The following SCAF11 variants were observed in gnomAD, a reference collection of about 807,000 sequenced individuals.
SCAF11 encodes the protein protein SCAF11.
Under a neutral mutation model 140.5 loss-of-function variants are expected in SCAF11, and 47 were observed. That is an observed-to-expected ratio of 0.33 (90% confidence interval 0.26 to 0.43). The LOEUF (loss-of-function observed/expected upper bound fraction) is 0.43, where lower values mean the gene tolerates loss of function less well. SCAF11 is among the 20% of genes least tolerant of loss of function. The pLI is 1.00. For synonymous variants in SCAF11, 557 were observed against 579.4 expected, an observed-to-expected ratio of 0.96 and a Z score of 0.55; for missense variants, 1,645 against 1,705.1, an observed-to-expected ratio of 0.96 and a Z score of 0.62.
intron 1 of SCAF11, among the ~76,000 whole-genome samples, chr12:45,977,317 G>A (rs1946257206): frequency 6.6e-6 from 1 of 152,104 alleles, no homozygotes; most frequent in Non-Finnish European, 1.5e-5. Context: ...GCATCTTAAA[G>A]GCATTCTATT....
rs749404676 is a variant in SCAF11 at position 45,926,505 on chromosome 12, C to A, written c.3196G>T (p.Gly1066Cys). The change falls in exon 11 of 15, where the codon GGT becomes TGT. Residue 1066 changes from glycine (G) to cysteine (C), a missense_variant. By Grantham distance (159) the Gly-to-Cys change is radical. Transcript: ENST00000369367. Reference sequence around the variant, plus strand: ...CCTCTACCACGGTTAGATACCCAACCAGAACCAAAGTTTTTATTCCAAGAA... The same window carrying A: ...CCTCTACCACGGTTAGATACCCAACAAGAACCAAAGTTTTTATTCCAAGAA... Reference protein sequence around the residue: ...GNSWNKNFGSGWVSNRGRGRG... With the variant: ...GNSWNKNFGSCWVSNRGRGRG... The A allele has an allele frequency of 3.7e-6, 6 of 1,613,904 alleles. No individual in the cohort carries two copies.
intron 1 of SCAF11, among the ~76,000 whole-genome samples, chr12:45,979,325 G>C (rs1378121560): frequency 6.6e-6 from 1 of 151,790 alleles, no homozygotes; most frequent in Non-Finnish European, 1.5e-5. Flanking sequence ...AAAATCCTAA[G>C]AGTTAAAGGG....
chr12:45,934,029 TC>T (rs1034919502), intron 8 of SCAF11, 146 bp downstream of exon 8: 29 of 521,866 alleles, frequency 5.6e-5, no homozygotes, highest in African/African-American at 7.9e-5. Flanking sequence ...TAGTTTACCT[TC>T]CCCCCCGCCC....
chr12:45,945,222 A>C, intron 6 of SCAF11, 27 bp downstream of exon 6: 1 of 1,396,704 alleles, frequency 7.2e-7, no homozygotes, highest in Non-Finnish European at 1.0e-6. Flanking sequence ...AAAAAAAGGT[A>C]GAATCCACAA....
chr12:45,965,627 T>C (rs1248988837), intron 1 of SCAF11, among the ~76,000 whole-genome samples: 1 of 152,204 alleles, frequency 6.6e-6, no homozygotes, highest in East Asian at 1.9e-4. Context: ...AATCAACTCT[T>C]AATATTCCTT....
chr12:45,936,627 T>C lies in SCAF11; in HGVS notation c.464-2122A>G, dbSNP rs138228362. Among the ~76,000 whole-genome samples the C allele has an allele frequency of 2.0e-5, 3 of 152,326 alleles. No homozygotes were observed. In the East Asian group the frequency reaches 5.8e-4, roughly 29 times the overall value. ...CTCTCCTGGCAAAACTCTTTCTTTG[T>C]CCTGGTCCAATATGAACTGGTAACT... On this transcript the variant is annotated intron_variant, in intron 6 of 14. Coordinates refer to ENST00000369367, the MANE Select transcript of SCAF11 (RefSeq NM_004719.3).
At chr12:45,981,426 T>C (rs1361953874) in intron 1 of SCAF11, among the ~76,000 whole-genome samples, 2 of 152,224 alleles carry the variant, frequency 1.3e-5, no homozygotes, top group Admixed American at 6.5e-5. Context: ...CTTAAAGTTG[T>C]ATCAAAATAA....
intron 1 of SCAF11, among the ~76,000 whole-genome samples, chr12:45,986,617 T>C (rs1333264489): frequency 1.3e-5 from 2 of 152,170 alleles, no homozygotes; most frequent in African/African-American, 4.8e-5. Flanking sequence ...AAGATAGTTA[T>C]ACTGCTTGAT....
At chr12:45,972,961 T>TC in intron 1 of SCAF11, among the ~76,000 whole-genome samples, 1 of 82,308 alleles carries the variant, frequency 1.2e-5, no homozygotes, top group Admixed American at 1.4e-4. Flanking sequence ...GATATATAGA[T>TC]ATATATATAG....
At chr12:45,977,176 T>C (rs1482881516) in intron 1 of SCAF11, among the ~76,000 whole-genome samples, 5 of 150,904 alleles carry the variant, frequency 3.3e-5, no homozygotes, top group East Asian at 1.9e-4. Context: ...AAAAAAAAAA[T>C]AGTACATGAA....
chr12:45,991,220 C>G (rs1190800674), upstream of SCAF11, among the ~76,000 whole-genome samples: 1 of 152,170 alleles, frequency 6.6e-6, no homozygotes, highest in Non-Finnish European at 1.5e-5. Flanking sequence ...GCTTTCCCGC[C>G]TGACTCCCCG....
chr12:45,971,823 G>A (rs914944518), intron 1 of SCAF11, among the ~76,000 whole-genome samples: 1 of 152,074 alleles, frequency 6.6e-6, no homozygotes, highest in Non-Finnish European at 1.5e-5. Flanking sequence ...TAAGAAAAGA[G>A]AGAGATGAAC....
At chr12:45,974,107 A>G in intron 1 of SCAF11, 1 of 441,858 alleles carries the variant, frequency 2.3e-6, no homozygotes. Flanking sequence ...GTTTCCTAGT[A>G]TATATGTTTA....
At chr12:45,974,156 G>T (rs11183268) in intron 1 of SCAF11, 210,479 of 470,368 alleles carry the variant, frequency 0.45, 50,553 homozygotes, top group East Asian at 0.54. Context: ...ACAGCATTAT[G>T]TCTAAAAACT....
At chr12:45,987,924 TTA>T (rs148361648) in intron 1 of SCAF11, among the ~76,000 whole-genome samples, 3,244 of 152,334 alleles carry the variant, frequency 0.021, 284 homozygotes, top group East Asian at 0.17. Flanking sequence ...TATTGAATTT[TTA>T]TGTGTCTATG....
At chr12:45,990,829 G>T (rs1275222971), upstream of SCAF11, among the ~76,000 whole-genome samples, 8 of 152,216 alleles carry the variant, frequency 5.3e-5, no homozygotes, top group Admixed American at 1.3e-4. Flanking sequence ...GCCTGTGAGC[G>T]GGAGGAAGGG....
intron 3 of SCAF11, chr12:45,956,031 C>T: frequency 2.9e-6 from 2 of 699,290 alleles, no homozygotes; most frequent in South Asian, 3.0e-5. Context: ...ACACACCCTA[C>T]TATTCTGAAG....
At chr12:45,966,614 G>C (rs1945955738) in intron 1 of SCAF11, among the ~76,000 whole-genome samples, 1 of 151,994 alleles carries the variant, frequency 6.6e-6, no homozygotes. Context: ...CATTTGAACT[G>C]GCAATCAGAA....
intron 14 of SCAF11, 46 bp from the exon 15 acceptor site, chr12:45,922,240 G>T: frequency 1.3e-6 from 2 of 1,549,144 alleles, no homozygotes; most frequent in Non-Finnish European, 1.7e-6. Flanking sequence ...TGCTTAAAGG[G>T]ATTAAAGCCA....
Sources: allele counts gnomAD v4.1 joint callset (sites outside exome capture counted in the v4.1 genomes callset), GRCh38; gene constraint gnomAD v4.1.1; transcripts MANE v1.5; gene names NCBI Gene and HGNC (gene_info 2026-07-23, HGNC 2026-07-21).